The following ARHGAP6 variants were observed in gnomAD, a reference collection of about 807,000 sequenced individuals.
ARHGAP6 encodes Rho GTPase activating protein 6, also known as rho GTPase-activating protein 6.
Under a neutral mutation model 55.7 loss-of-function variants are expected in ARHGAP6, and 16 were observed. That is an observed-to-expected ratio of 0.29 (90% CI 0.19 to 0.44). ARHGAP6 has a LOEUF of 0.44. Among genes scored for constraint, ARHGAP6 ranks in the 20% least tolerant of loss-of-function variants. The pLI is 1.00. For missense variants in ARHGAP6, 698 were observed against 808.9 expected (o/e 0.86, Z 1.66); for synonymous variants, 382 against 360.9 (o/e 1.06, Z -0.66).
chrX:11,568,370 T>C (rs2051470849), intron 1 of ARHGAP6, among the ~76,000 whole-genome samples: 2 of 112,761 alleles, frequency 1.8e-5, no homozygotes, highest in Non-Finnish European at 3.7e-5. Flanking sequence ...TAATTCCTTA[T>C]TTCAATAGAG....
intron 2 of ARHGAP6, among the ~76,000 whole-genome samples, chrX:11,227,202 C>T (rs183034041): frequency 1.0e-3 from 113 of 111,659 alleles, no homozygotes; most frequent in African/African-American, 3.3e-3. Context: ...ATAGAAGTCA[C>T]GAGAAGAGAA....
intron 1 of ARHGAP6, among the ~76,000 whole-genome samples, chrX:11,533,044 CT>C (rs1291632225): frequency 9.0e-6 from 1 of 111,326 alleles, no homozygotes; most frequent in Non-Finnish European, 1.9e-5. Flanking sequence ...CAAAAAATTT[CT>C]TTTTTAAAAA....
chrX:11,446,633 T>A (rs1289507967), intron 1 of ARHGAP6, among the ~76,000 whole-genome samples: 1 of 111,441 alleles, frequency 9.0e-6, no homozygotes, highest in African/African-American at 3.3e-5. Flanking sequence ...AAAGAATGAC[T>A]GATGAAAAAA....
At chrX:11,526,692 C>T (rs2147884103) in intron 1 of ARHGAP6, among the ~76,000 whole-genome samples, 1 of 111,737 alleles carries the variant, frequency 8.9e-6, no homozygotes, top group East Asian at 2.8e-4. Flanking sequence ...GGGAATCCTC[C>T]AATCTATTTG....
chrX:11,318,430 G>C (rs1304306177), intron 1 of ARHGAP6, among the ~76,000 whole-genome samples: 1 of 111,470 alleles, frequency 9.0e-6, no homozygotes, highest in African/African-American at 3.3e-5. Context: ...AACAATCATT[G>C]ATTATGTCTT....
chrX:11,189,779 A>AT (rs2147349147), intron 3 of ARHGAP6, among the ~76,000 whole-genome samples: 3 of 112,440 alleles, frequency 2.7e-5, no homozygotes, highest in African/African-American at 9.7e-5. Context: ...ATTTGGAGAC[A>AT]TACATAGAGT....
intron 10 of ARHGAP6, among the ~76,000 whole-genome samples, chrX:11,154,932 C>T (rs1021369451): frequency 1.2e-4 from 14 of 112,088 alleles, no homozygotes; most frequent in African/African-American, 4.5e-4. Flanking sequence ...CCAGGCCTTA[C>T]TTTCAACAGA....
At chrX:11,299,071 G>C in intron 1 of ARHGAP6, 1 of 1,007,044 alleles carries the variant, frequency 9.9e-7, no homozygotes. Flanking sequence ...CAAGGATCTA[G>C]AGTTGTAGTA....
intron 1 of ARHGAP6, among the ~76,000 whole-genome samples, chrX:11,584,776 C>A (rs1244568641): frequency 9.0e-6 from 1 of 111,517 alleles, no homozygotes; most frequent in Non-Finnish European, 1.9e-5. Context: ...TGAGTCTGTG[C>A]AGCTCTAAAG....
chrX:11,656,964 C>T (rs777189399), intron 1 of ARHGAP6, among the ~76,000 whole-genome samples: 12 of 112,003 alleles, frequency 1.1e-4, no homozygotes, highest in Admixed American at 8.5e-4. Flanking sequence ...CTGGAAGCAC[C>T]TTGCAGAGCC....
At chrX:11,408,532 C>A (rs1044382954) in intron 1 of ARHGAP6, among the ~76,000 whole-genome samples, 1 of 110,954 alleles carries the variant, frequency 9.0e-6, no homozygotes, top group African/African-American at 3.3e-5. Context: ...ACGGAAGCAC[C>A]CTTAGCCATA....
chrX:11,520,044 A>T (rs2050896464), intron 1 of ARHGAP6, among the ~76,000 whole-genome samples: 1 of 92,333 alleles, frequency 1.1e-5, no homozygotes, highest in African/African-American at 4.0e-5. Flanking sequence ...ATCAGAGTGA[A>T]CAGGCAACCT....
chrX:11,364,431 T>C (rs1335123431), intron 1 of ARHGAP6, among the ~76,000 whole-genome samples: 1 of 111,001 alleles, frequency 9.0e-6, no homozygotes, highest in Non-Finnish European at 1.9e-5. Flanking sequence ...TAATTAACTT[T>C]ATTAGCAGCC....
At chrX:11,294,482 T>C (rs747518238) in intron 1 of ARHGAP6, among the ~76,000 whole-genome samples, 4 of 111,989 alleles carry the variant, frequency 3.6e-5, no homozygotes, top group African/African-American at 1.3e-4. Flanking sequence ...GACTAAGGGC[T>C]GTATAGGCAT....
At chrX:11,317,766 C>T (rs752533902) in intron 1 of ARHGAP6, among the ~76,000 whole-genome samples, 1 of 111,236 alleles carries the variant, frequency 9.0e-6, no homozygotes, top group African/African-American at 3.3e-5. Flanking sequence ...TGAAGGATGG[C>T]AAGTAGAATG....
chrX:11,229,294 C>A, intron 2 of ARHGAP6, among the ~76,000 whole-genome samples: 2 of 112,011 alleles, frequency 1.8e-5, no homozygotes, highest in South Asian at 7.4e-4. Context: ...ATGATTGAGA[C>A]AACTGAGCAG....
chrX:11,169,599 T>C lies in ARHGAP6; in HGVS notation c.1715A>G (p.Glu572Gly). ...CCGGGCTGAACTCTGAACTGAGAAT[T>C]CTTTGTCTGATGACTTCTGCTTGTG... ...LLHKQKSSDK[E>G]FSVQSSARAE... Residue 572 changes from glutamate to glycine, a missense_variant, in exon 9 of 13, where the codon GAA becomes GGA. By Grantham distance (98) the Glu-to-Gly change is moderately conservative (BLOSUM62 -2). Around this residue, in one of 3 missense-constraint regions of ARHGAP6, gnomAD observed 322 missense variants for 451.1 expected, o/e 0.71. Coordinates refer to ENST00000337414, the MANE Select transcript of ARHGAP6 (RefSeq NM_013427.3). The C allele has an allele frequency of 2.5e-6, 3 of 1,209,318 alleles. No homozygotes were observed. The highest frequency in any genetic ancestry group is 3.4e-6 in the Non-Finnish European group (3 of 894,523).
At chrX:11,625,855 G>C (rs145630845) in intron 1 of ARHGAP6, among the ~76,000 whole-genome samples, 2 of 111,245 alleles carry the variant, frequency 1.8e-5, no homozygotes, top group African/African-American at 6.5e-5. Flanking sequence ...AATTACAAAA[G>C]AGTCATTAAG....
intron 1 of ARHGAP6, among the ~76,000 whole-genome samples, chrX:11,381,760 A>G (rs1472344378): frequency 8.9e-6 from 1 of 112,101 alleles, no homozygotes; most frequent in Non-Finnish European, 1.9e-5. Context: ...CTACCAGAAT[A>G]AAAATATCTG....
Sources: gnomAD v4.1 joint callset for allele counts (sites outside exome capture counted in the v4.1 genomes callset) on GRCh38, gnomAD v4.1.1 for gene constraint, gnomAD v4.1.1 regional missense constraint, MANE v1.5 for transcripts, NCBI Gene and HGNC (gene_info 2026-07-23, HGNC 2026-07-21) for gene names.